The following CYP4X1 variants were observed in gnomAD, a reference collection of about 807,000 sequenced individuals.
CYP4X1 encodes cytochrome P450 family 4 subfamily X member 1, also known as cytochrome P450 4X1.
In CYP4X1, 44 loss-of-function variants were observed where a neutral mutation model predicts 57.9. That is an observed-to-expected ratio of 0.76 (90% CI 0.60 to 0.98). The LOEUF (loss-of-function observed/expected upper bound fraction) is 0.98, where lower values mean the gene tolerates loss of function less well. Ranked by LOEUF, CYP4X1 falls within the 50% of genes least tolerant of loss-of-function variation. CYP4X1 has a pLI of 0.00. For missense variants in CYP4X1, 532 were observed against 623.9 expected (o/e 0.85, Z 1.57); for synonymous variants, 227 against 228.6 (o/e 0.99, Z 0.06).
the CYP4X1 span, among the ~76,000 whole-genome samples, chr1:46,986,274 C>A: frequency 6.6e-6 from 1 of 151,998 alleles, no homozygotes; most frequent in East Asian, 1.9e-4. Context: ...ATATCAGAGA[C>A]TGAAGATCAA....
chr1:46,988,433 CACAGCCAAATTCTACCAGAGGTACAA>C, the CYP4X1 span, among the ~76,000 whole-genome samples: 2 of 152,136 alleles, frequency 1.3e-5, no homozygotes, highest in South Asian at 4.1e-4. Context: ...AAGATGGATT[CACAGCCAAATTCTACCAGAGGTACAA>C]ACAGGAATGG....
chr1:47,035,965 T>C lies in CYP4X1; in HGVS notation c.620+32T>C, dbSNP rs567723817. Reference sequence around the variant, plus strand: ...GGTGGGAGAGCAAAAAAGATATTTCTTCACATTTTCTAAGTTGTTTATTAA... The same window carrying C: ...GGTGGGAGAGCAAAAAAGATATTTCCTCACATTTTCTAAGTTGTTTATTAA... On this transcript the variant is annotated intron_variant, in intron 5 of 11. Coordinates refer to ENST00000371901, the MANE Select transcript of CYP4X1 (RefSeq NM_178033.2). 1.6e-5 allele frequency: 26 copies of C among 1,611,818 alleles called. No homozygotes were observed. The Admixed American group carries it at 3.5e-4, about 22-fold the overall frequency.
At chr1:47,013,112 G>GT in the CYP4X1 span, among the ~76,000 whole-genome samples, 4 of 151,978 alleles carry the variant, frequency 2.6e-5, no homozygotes, top group Non-Finnish European at 4.4e-5. Context: ...TGGTGGTGGT[G>GT]TTTGCTTTTA....
chr1:46,971,703 G>C, the CYP4X1 span, among the ~76,000 whole-genome samples: 1 of 151,880 alleles, frequency 6.6e-6, no homozygotes, highest in South Asian at 2.1e-4. Flanking sequence ...TCATTTTCTT[G>C]GCCACATGTA....
Position 47,036,176 on chromosome 1 carries a change from T to C in CYP4X1, c.775+5T>C, listed in dbSNP as rs1230727350. On this transcript the variant is annotated splice_donor_5th_base_variant and intron_variant, in intron 6 of 11. Coordinates refer to ENST00000371901, the MANE Select transcript of CYP4X1 (RefSeq NM_178033.2). ...GAGTGTTGAATCAGTACACAGGTAT[T>C]TGTTGGGTTTGGGTTGCCCACGTCC... is the stretch of plus-strand genomic sequence containing the variant. The C allele has an allele frequency of 3.1e-6, 5 of 1,604,616 alleles. No homozygotes were observed. Among genetic ancestry groups the C allele is most frequent in the Non-Finnish European group, 4.3e-6 (5 of 1,173,290 alleles).
chr1:47,028,475 C>T (rs374172081), intron 1 of CYP4X1, among the ~76,000 whole-genome samples: 1 of 152,130 alleles, frequency 6.6e-6, no homozygotes, highest in Non-Finnish European at 1.5e-5. Context: ...GATAAATGTT[C>T]GCTGTTGCTA....
chr1:47,007,433 C>T, the CYP4X1 span, among the ~76,000 whole-genome samples: 1 of 152,086 alleles, frequency 6.6e-6, no homozygotes, highest in African/African-American at 2.4e-5. Context: ...CTGTACGTCA[C>T]CATGATCAAA....
chr1:47,038,557 G>A (rs1644210089), intron 6 of CYP4X1, 103 bp from the exon 7 acceptor site: 9 of 771,416 alleles, frequency 1.2e-5, no homozygotes, highest in Non-Finnish European at 1.8e-5. Context: ...TTAAACGTCT[G>A]GAAATCAGGC....
chr1:46,999,755 C>CT, the CYP4X1 span, among the ~76,000 whole-genome samples: 25 of 147,414 alleles, frequency 1.7e-4, no homozygotes, highest in East Asian at 1.0e-3. Flanking sequence ...AACTCTTTTT[C>CT]TTTTTTTTTT....
chr1:46,981,269 A>T, the CYP4X1 span, among the ~76,000 whole-genome samples: 292 of 152,054 alleles, frequency 1.9e-3, no homozygotes, highest in African/African-American at 6.7e-3. Flanking sequence ...TACAAAGAAC[A>T]TAAACAAATT....
chr1:47,040,491 T>C (rs1482246148), intron 8 of CYP4X1, among the ~76,000 whole-genome samples: 2 of 152,282 alleles, frequency 1.3e-5, no homozygotes, highest in African/African-American at 2.4e-5. Flanking sequence ...GTCAACTCAA[T>C]TGAAACATTT....
At chr1:47,047,796 A>T (rs1195249531) in intron 9 of CYP4X1, among the ~76,000 whole-genome samples, 2 of 152,094 alleles carry the variant, frequency 1.3e-5, no homozygotes, top group Non-Finnish European at 2.9e-5. Context: ...ATGGGGTTTC[A>T]CCATGTTGGC....
chr1:47,036,878 TGTAAA>T (rs1324601947), intron 6 of CYP4X1, among the ~76,000 whole-genome samples: 5 of 152,242 alleles, frequency 3.3e-5, no homozygotes, highest in African/African-American at 1.2e-4. Flanking sequence ...AGATGTTAAA[TGTAAA>T]GTATAGTTAT....
the CYP4X1 span, among the ~76,000 whole-genome samples, chr1:47,004,020 A>G: frequency 6.6e-6 from 1 of 152,200 alleles, no homozygotes; most frequent in East Asian, 1.9e-4. Flanking sequence ...ACTAAATCAA[A>G]TGGAAACACT....
chr1:47,017,673 A>G, the CYP4X1 span, among the ~76,000 whole-genome samples: 7 of 152,198 alleles, frequency 4.6e-5, no homozygotes, highest in Non-Finnish European at 1.0e-4. Context: ...AGATAAATGC[A>G]TATCTAATTG....
chr1:47,023,691 A>G lies in CYP4X1; in HGVS notation c.-127A>G. 1 of 1,438,464 alleles carries G rather than the reference A, an allele frequency of 7.0e-7. No individual in the cohort carries two copies. 89.1% of individuals were successfully genotyped at this position (1,438,464 alleles called of 1,614,324 possible). A position where few individuals can be genotyped will look rare whatever the true frequency, so the allele number is the denominator to read the frequency against. Reference sequence around the variant, plus strand: ...CCCACTGCCTTTCCTTCTTCCCGCGAGTCAGAAGCTTCGCGAGGGCCCAGA... The same window carrying G: ...CCCACTGCCTTTCCTTCTTCCCGCGGGTCAGAAGCTTCGCGAGGGCCCAGA... On this transcript the variant is annotated 5_prime_UTR_variant, in exon 1 of 12. Transcript: ENST00000371901.
chr1:47,006,497 A>G, the CYP4X1 span, among the ~76,000 whole-genome samples: 1 of 152,230 alleles, frequency 6.6e-6, no homozygotes, highest in Non-Finnish European at 1.5e-5. Context: ...TACAGCTCCC[A>G]GTGTGAGTGA....
the CYP4X1 span, among the ~76,000 whole-genome samples, chr1:46,976,711 C>T: frequency 6.6e-6 from 1 of 152,164 alleles, no homozygotes; most frequent in African/African-American, 2.4e-5. Flanking sequence ...CCAACACACA[C>T]CTCATACAGC....
At chr1:46,989,292 A>C in the CYP4X1 span, among the ~76,000 whole-genome samples, 1 of 152,196 alleles carries the variant, frequency 6.6e-6, no homozygotes, top group African/African-American at 2.4e-5. Flanking sequence ...GTGAACACAC[A>C]TTCACAATTG....
Sources: allele counts gnomAD v4.1 joint callset (sites outside exome capture counted in the v4.1 genomes callset), GRCh38; gene constraint gnomAD v4.1.1; transcripts MANE v1.5; gene names NCBI Gene and HGNC (gene_info 2026-07-23, HGNC 2026-07-21).